Variants in CCDC171 observed in about 807,000 individuals in gnomAD.
CCDC171 encodes coiled-coil domain containing 171, also known as coiled-coil domain-containing protein 171.
Under a neutral mutation model 168.2 loss-of-function variants are expected in CCDC171, and 177 were observed. The observed-to-expected ratio is 1.05, with a 90% CI of 0.93 to 1.19. The LOEUF (loss-of-function observed/expected upper bound fraction) is 1.19. CCDC171 is among the 50% of genes most tolerant of loss of function. The pLI, the probability that CCDC171 is intolerant of heterozygous loss-of-function variation, is 0.00. For missense variants in CCDC171, 1,991 were observed against 1,539.0 expected (o/e 1.29, Z -4.91); for synonymous variants, 687 against 540.8 (o/e 1.27, Z -3.75).
At chr9:15,843,811 C>CA (rs1314247942) in intron 21 of CCDC171, among the ~76,000 whole-genome samples, 1 of 152,128 alleles carries the variant, frequency 6.6e-6, no homozygotes, top group Non-Finnish European at 1.5e-5. Flanking sequence ...TTTGCAATCA[C>CA]TATGGCTGTC....
chr9:15,700,068 A>G (rs576625324), intron 11 of CCDC171, among the ~76,000 whole-genome samples: 524 of 152,240 alleles, frequency 3.4e-3, no homozygotes, highest in African/African-American at 0.011. Context: ...TGGGTGGTCG[A>G]TGGGACTGGG....
chr9:15,677,918 ATATAT>A (rs2049739170), intron 9 of CCDC171, among the ~76,000 whole-genome samples: 2 of 35,266 alleles, frequency 5.7e-5, no homozygotes, highest in African/African-American at 2.6e-4. Flanking sequence ...ATATATATAT[ATATAT>A]ATAAGAGATG....
At chr9:15,790,343 C>G (rs917716175) in intron 21 of CCDC171, among the ~76,000 whole-genome samples, 5 of 152,078 alleles carry the variant, frequency 3.3e-5, no homozygotes, top group African/African-American at 1.2e-4. Flanking sequence ...TCTCTAATGG[C>G]CAGTGATGAT....
At chr9:15,604,549 T>A (rs888817001) in intron 6 of CCDC171, among the ~76,000 whole-genome samples, 1 of 152,134 alleles carries the variant, frequency 6.6e-6, no homozygotes, top group African/African-American at 2.4e-5. Context: ...TCGACTAAAT[T>A]TGGTGTATGT....
intron 18 of CCDC171, among the ~76,000 whole-genome samples, chr9:15,755,205 C>T (rs897720922): frequency 2.0e-5 from 3 of 152,118 alleles, no homozygotes; most frequent in African/African-American, 7.2e-5. Context: ...CTGTCCTTAA[C>T]GTGTTCATGT....
chr9:15,593,746 T>A (rs1247422289), intron 5 of CCDC171, among the ~76,000 whole-genome samples: 1 of 151,978 alleles, frequency 6.6e-6, no homozygotes, highest in Non-Finnish European at 1.5e-5. Context: ...GTCAAATATA[T>A]CCCTATATAA....
chr9:15,951,490 G>C (rs1287731083), intron 25 of CCDC171, among the ~76,000 whole-genome samples: 2 of 151,830 alleles, frequency 1.3e-5, no homozygotes, highest in South Asian at 2.1e-4. Flanking sequence ...TTGCTTGGTA[G>C]ATCTTCCTGC....
intron 7 of CCDC171, among the ~76,000 whole-genome samples, chr9:15,651,218 C>G (rs1051460535): frequency 6.6e-6 from 1 of 151,796 alleles, no homozygotes; most frequent in African/African-American, 2.4e-5. Context: ...AAGTGATTCT[C>G]CTGCCTCAGC....
chr9:15,853,156 C>T (rs2061206678), intron 23 of CCDC171, among the ~76,000 whole-genome samples: 1 of 151,520 alleles, frequency 6.6e-6, no homozygotes, highest in South Asian at 2.1e-4. Flanking sequence ...ATTTATAGAT[C>T]AATTTGGGGA....
chr9:15,954,669 A>ATTTTT (rs34479869), intron 25 of CCDC171, among the ~76,000 whole-genome samples: 1 of 146,570 alleles, frequency 6.8e-6, no homozygotes, highest in East Asian at 2.0e-4. Flanking sequence ...ATGCTTGTTG[A>ATTTTT]TTTTTTTTTT....
chr9:15,563,000 A>G (rs182535034), intron 1 of CCDC171, among the ~76,000 whole-genome samples: 9 of 152,252 alleles, frequency 5.9e-5, no homozygotes, highest in African/African-American at 1.9e-4. Context: ...AAGTGAGGAT[A>G]ATAACCCTCA....
intron 11 of CCDC171, among the ~76,000 whole-genome samples, chr9:15,719,438 GAGAGAGA>G (rs748340527): frequency 0.039 from 5,563 of 142,460 alleles, 575 homozygotes; most frequent in African/African-American, 0.14. Context: ...GAGAGAGAGA[GAGAGAGA>G]GAAAGTTTAT....
chr9:15,686,230 G>C (rs1363582496), intron 10 of CCDC171, among the ~76,000 whole-genome samples: 2 of 152,154 alleles, frequency 1.3e-5, no homozygotes, highest in African/African-American at 4.8e-5. Context: ...ACTTCAGTCA[G>C]CTGGCATAAT....
intron 8 of CCDC171, among the ~76,000 whole-genome samples, chr9:15,662,047 T>G (rs1246366327): frequency 3.9e-5 from 6 of 152,140 alleles, no homozygotes; most frequent in African/African-American, 1.4e-4. Context: ...GAGGCTGAGG[T>G]GGGCAGATCA....
intron 2 of CCDC171, among the ~76,000 whole-genome samples, 175 bp downstream of exon 2, chr9:15,564,304 A>G (rs1381561223): frequency 6.6e-6 from 1 of 152,254 alleles, no homozygotes; most frequent in African/African-American, 2.4e-5. Flanking sequence ...AACTGATTCT[A>G]GAGACTTTAT....
intron 6 of CCDC171, among the ~76,000 whole-genome samples, chr9:16,032,960 TC>T (rs1833390344): frequency 6.6e-6 from 1 of 152,128 alleles, no homozygotes; most frequent in South Asian, 2.1e-4. Flanking sequence ...CTCCCCAAGA[TC>T]CACATTCTTA....
At chr9:15,636,651 AG>A (rs1157246712) in intron 7 of CCDC171, among the ~76,000 whole-genome samples, 3 of 142,804 alleles carry the variant, frequency 2.1e-5, no homozygotes, top group Non-Finnish European at 4.5e-5. Context: ...TGGGAGGCTG[AG>A]GTGGGAGGAT....
At position 15,623,463 on chromosome 9, in the gene CCDC171, ATGCG is replaced by A. The variant is rs368020746; in HGVS notation, c.822+51_822+54del. The A allele has an allele frequency of 8.6e-4, 548 of 635,972 alleles. 33 individuals are homozygous for A. The highest frequency in any genetic ancestry group is 7.0e-3 in the East Asian group (168 of 24,170). The allele number at this position is 635,972 out of a possible 1,614,324, so 39.4% of individuals were successfully genotyped here. A position where few individuals can be genotyped will look rare whatever the true frequency, so the allele number is the denominator to read the frequency against. On this transcript the variant is annotated intron_variant, in intron 7 of 25. Coordinates refer to ENST00000380701, the MANE Select transcript of CCDC171 (RefSeq NM_173550.4). ...TATATATGCGTACAAACTTTCACAT[ATGCG>A]CGCGCGCGCACACACACACACACAC... is the stretch of plus-strand genomic sequence containing the variant.
chr9:16,094,286 A>G, the CCDC171 span, among the ~76,000 whole-genome samples: 4 of 152,244 alleles, frequency 2.6e-5, no homozygotes, highest in African/African-American at 4.8e-5. Context: ...AAAATTTACA[A>G]TGTTGACTCT....
Sources: gnomAD v4.1 joint callset for allele counts (sites outside exome capture counted in the v4.1 genomes callset) on GRCh38, gnomAD v4.1.1 for gene constraint, MANE v1.5 for transcripts, NCBI Gene and HGNC (gene_info 2026-07-23, HGNC 2026-07-21) for gene names.